The following PAX5 variants were observed in gnomAD, a reference collection of about 807,000 sequenced individuals.
PAX5 encodes the protein paired box protein Pax-5.
PAX5 carries 9 observed loss-of-function variants against 43.7 expected under a neutral mutation model. The observed-to-expected ratio is 0.21, with a 90% confidence interval of 0.12 to 0.36. The LOEUF (loss-of-function observed/expected upper bound fraction) is 0.36, where lower values mean the gene tolerates loss of function less well. PAX5 is among the 10% of genes least tolerant of loss of function. The probability of loss-of-function intolerance (pLI) is 1.00; values close to 1 mark genes in which losing one functional copy is unlikely to be tolerated. For synonymous variants in PAX5, 228 were observed against 214.3 expected (o/e 1.06, Z -0.56); for missense variants, 383 against 532.7 (o/e 0.72, Z 2.77).
chr9:36,913,138 G>GA (rs1829443777), intron 7 of PAX5, among the ~76,000 whole-genome samples: 1 of 152,228 alleles, frequency 6.6e-6, no homozygotes, highest in South Asian at 2.1e-4. Flanking sequence ...CTGCAAATCA[G>GA]AGCAGGTGGA....
At chr9:37,033,458 C>A (rs1841193938) in intron 1 of PAX5, among the ~76,000 whole-genome samples, 1 of 152,114 alleles carries the variant, frequency 6.6e-6, no homozygotes, top group Non-Finnish European at 1.5e-5. Flanking sequence ...TGAATGCAGA[C>A]CCTTTAAATA....
intron 5 of PAX5, among the ~76,000 whole-genome samples, chr9:36,976,343 G>C (rs1199708697): frequency 1.3e-5 from 2 of 152,316 alleles, no homozygotes; most frequent in South Asian, 2.1e-4. Flanking sequence ...GGGGTGCTTA[G>C]AGTGATCCAG....
At chr9:36,870,015 G>A (rs1009016813) in intron 8 of PAX5, among the ~76,000 whole-genome samples, 1 of 96,866 alleles carries the variant, frequency 1.0e-5, no homozygotes, top group Admixed American at 1.1e-4. Context: ...TAAATGGATG[G>A]ATGGATGGAT....
intron 5 of PAX5, among the ~76,000 whole-genome samples, chr9:36,997,201 T>G (rs1837467985): frequency 6.6e-6 from 1 of 152,208 alleles, no homozygotes; most frequent in Admixed American, 6.5e-5. Flanking sequence ...GAACCCTGGC[T>G]GCCCTTCCTG....
At chr9:36,877,703 C>A (rs780422203) in intron 8 of PAX5, among the ~76,000 whole-genome samples, 1 of 152,186 alleles carries the variant, frequency 6.6e-6, no homozygotes, top group African/African-American at 2.4e-5. Flanking sequence ...AGCATCTGAA[C>A]AAACACTGAG....
At chr9:36,993,446 C>A (rs1439526463) in intron 5 of PAX5, among the ~76,000 whole-genome samples, 1 of 151,800 alleles carries the variant, frequency 6.6e-6, no homozygotes, top group African/African-American at 2.4e-5. Flanking sequence ...GCCAAGAGGA[C>A]TTGAGATGGA....
chr9:36,842,314 T>C (rs1346451361), intron 9 of PAX5, among the ~76,000 whole-genome samples: 1 of 152,156 alleles, frequency 6.6e-6, no homozygotes, highest in Non-Finnish European at 1.5e-5. Context: ...GGCGGGTGTG[T>C]GTGCATGAGA....
chr9:36,851,998 T>C lies in PAX5; in HGVS notation c.1013-5069A>G, dbSNP rs545025221. 6.6e-5 allele frequency among the ~76,000 whole-genome samples: 10 copies of C among 152,342 alleles called. No homozygotes were observed. The South Asian group carries it at 2.1e-3, about 32-fold the overall frequency. ...CAGGCCGGCTCTTCCTCTTCCAAGC[T>C]GTGTGGCTTTGGGTACATGCATTCA... On this transcript the variant is annotated intron_variant, in intron 8 of 9. Coordinates refer to ENST00000358127, the MANE Select transcript of PAX5 (RefSeq NM_016734.3).
intron 8 of PAX5, chr9:36,860,812 C>T (rs1824145045): frequency 6.6e-6 from 1 of 152,198 alleles, no homozygotes; most frequent in African/African-American, 2.4e-5. Flanking sequence ...CAGCCGCCAC[C>T]ATGACTCAGT....
intron 5 of PAX5, among the ~76,000 whole-genome samples, chr9:36,984,673 C>A (rs1836248697): frequency 6.6e-6 from 1 of 151,982 alleles, no homozygotes; most frequent in East Asian, 1.9e-4. Flanking sequence ...CCAGGCTGTT[C>A]TCGAACTCCT....
At chr9:36,964,149 C>T (rs1278426013) in intron 6 of PAX5, among the ~76,000 whole-genome samples, 1 of 151,930 alleles carries the variant, frequency 6.6e-6, no homozygotes. Flanking sequence ...GGCATGGTGG[C>T]GGGTGCCTGT....
At chr9:36,851,112 T>G (rs1352127942) in intron 8 of PAX5, among the ~76,000 whole-genome samples, 1 of 152,212 alleles carries the variant, frequency 6.6e-6, no homozygotes, top group East Asian at 1.9e-4. Flanking sequence ...CTCCTCATCT[T>G]GAATATGGGC....
chr9:36,974,262 C>A (rs578107134), intron 5 of PAX5, among the ~76,000 whole-genome samples: 2 of 152,248 alleles, frequency 1.3e-5, no homozygotes, highest in East Asian at 3.9e-4. Context: ...ACTCCTTGTG[C>A]GAGACTGAGA....
chr9:36,874,677 GA>G (rs1243186111), intron 8 of PAX5, among the ~76,000 whole-genome samples: 3 of 152,132 alleles, frequency 2.0e-5, no homozygotes, highest in Non-Finnish European at 4.4e-5. Context: ...ACTGTATTCG[GA>G]GACTGCCTGA....
intron 7 of PAX5, among the ~76,000 whole-genome samples, chr9:36,884,251 A>G (rs1826726294): frequency 1.3e-5 from 2 of 152,240 alleles, no homozygotes; most frequent in South Asian, 2.1e-4. Context: ...TAAAAAGTCT[A>G]CTATCATACT....
At chr9:36,842,155 G>A (rs117392312) in intron 9 of PAX5, among the ~76,000 whole-genome samples, 3,416 of 152,242 alleles carry the variant, frequency 0.022, 55 homozygotes, top group Middle Eastern at 0.044. Context: ...TTCTTCTGCC[G>A]CCTCTTCTGT....
At chr9:37,031,618 G>T (rs902147515) in intron 1 of PAX5, among the ~76,000 whole-genome samples, 11 of 152,224 alleles carry the variant, frequency 7.2e-5, no homozygotes, top group Middle Eastern at 3.4e-3. Flanking sequence ...AGGGCAGAGA[G>T]GTCACCTTCC....
At chr9:36,955,764 T>G in intron 6 of PAX5, among the ~76,000 whole-genome samples, 1 of 97,354 alleles carries the variant, frequency 1.0e-5, no homozygotes, top group African/African-American at 3.9e-5. Flanking sequence ...TTCCCTCTTT[T>G]TGTTTCAAAA....
At chr9:36,857,309 T>G (rs1823773301) in intron 8 of PAX5, among the ~76,000 whole-genome samples, 2 of 152,370 alleles carry the variant, frequency 1.3e-5, no homozygotes, top group African/African-American at 4.8e-5. Context: ...GTTTCACTTT[T>G]AGACTCCTAT....
Sources: gnomAD v4.1 joint callset for allele counts (sites outside exome capture counted in the v4.1 genomes callset) on GRCh38, gnomAD v4.1.1 for gene constraint, MANE v1.5 for transcripts, NCBI Gene and HGNC (gene_info 2026-07-23, HGNC 2026-07-21) for gene names.